Variants in GALNT17 observed in about 807,000 individuals in gnomAD.
The protein encoded by GALNT17 is polypeptide N-acetylgalactosaminyltransferase 17.
A neutral mutation model predicts 63.7 loss-of-function variants in GALNT17; 29 were observed. That is an observed-to-expected ratio of 0.46 (90% CI 0.34 to 0.62). The LOEUF is 0.62. GALNT17 is among the 20% of genes least tolerant of loss of function. The pLI, the probability that GALNT17 is intolerant of heterozygous loss-of-function variation, is 0.01. For missense variants in GALNT17, 603 were observed against 799.6 expected (o/e 0.75, Z 2.97); for synonymous variants, 305 against 318.3 (o/e 0.96, Z 0.45).
chr7:71,627,452 C>T (rs1790390492), intron 6 of GALNT17, among the ~76,000 whole-genome samples: 1 of 152,186 alleles, frequency 6.6e-6, no homozygotes, highest in African/African-American at 2.4e-5. Context: ...AAGAAACAGC[C>T]TTTCCAGATG....
intron 5 of GALNT17, among the ~76,000 whole-genome samples, chr7:71,521,443 T>C (rs1445775675): frequency 6.6e-6 from 1 of 152,218 alleles, no homozygotes; most frequent in African/African-American, 2.4e-5. Context: ...ACAAAAGATT[T>C]GCAGAACCTG....
rs546984327 is a variant in GALNT17, at chr7:71,225,132, C to T, written c.238+92092C>T. Among the ~76,000 whole-genome samples the T allele has an allele frequency of 2.0e-5, 3 of 152,170 alleles. No individual in the cohort carries two copies. In the East Asian group the frequency reaches 5.8e-4, roughly 29 times the overall value. On this transcript the variant is annotated intron_variant, in intron 1 of 10. Transcript: ENST00000333538. The stretch of plus-strand genomic sequence containing the variant: ...TACAGGTGCATGCCACCACACTCAG[C>T]TAATTTTTGTATTTTTAGTAGAGAT...
chr7:71,606,040 A>T (rs1412087836), intron 6 of GALNT17, among the ~76,000 whole-genome samples: 2 of 152,094 alleles, frequency 1.3e-5, no homozygotes, highest in African/African-American at 4.8e-5. Flanking sequence ...CCTTGGCTCA[A>T]GGGATCCTCC....
Position 71,347,663 on chromosome 7 carries a change from G to A in GALNT17, c.422+11930G>A, listed in dbSNP as rs568292225. 6.3e-4 allele frequency among the ~76,000 whole-genome samples: 96 copies of A among 152,224 alleles called. 1 individual carries two copies. In the South Asian group the frequency reaches 0.013, roughly 21 times the overall value. ...CAGAAATCCAGAGGGTCCAGCCTGA[G>A]ACAGATGCCAGGGTGATGGTGAGAG... On this transcript the variant is annotated intron_variant, in intron 2 of 10. Transcript: ENST00000333538.
rs569614526 is a variant in GALNT17 at position 71,332,235 on chromosome 7, C to A, written c.239-3315C>A. ...AAGTCCTGGATTGCAATTTTTGCCCCTAGTTCTGAGCATATCCATCTTCTT... is the reference window on the plus strand; with the variant it reads ...AAGTCCTGGATTGCAATTTTTGCCCATAGTTCTGAGCATATCCATCTTCTT... On this transcript the variant is annotated intron_variant, in intron 1 of 10. Transcript: ENST00000333538. Among the ~76,000 whole-genome samples, 94 of 152,046 alleles carry A rather than the reference C, an allele frequency of 6.2e-4. 1 individual carries two copies. Among genetic ancestry groups the A allele is most frequent in the African/African-American group, 2.1e-3 (88 of 41,484 alleles).
chr7:71,573,035 A>T (rs1052496588), intron 6 of GALNT17, among the ~76,000 whole-genome samples: 2 of 151,204 alleles, frequency 1.3e-5, no homozygotes, highest in Non-Finnish European at 3.0e-5. Flanking sequence ...TTTGAGATGA[A>T]GTCTTGCTTT....
intron 10 of GALNT17, among the ~76,000 whole-genome samples, chr7:71,711,528 CCT>C (rs1791791589): frequency 6.7e-6 from 1 of 149,440 alleles, no homozygotes; most frequent in Non-Finnish European, 1.5e-5. Flanking sequence ...CCTCTCTCTC[CCT>C]CTCTCCCTCT....
chr7:71,379,058 G>A (rs1396930967), intron 2 of GALNT17, among the ~76,000 whole-genome samples: 1 of 152,104 alleles, frequency 6.6e-6, no homozygotes, highest in Non-Finnish European at 1.5e-5. Context: ...CTTGGAGTGG[G>A]GATGACCAGA....
intron 1 of GALNT17, among the ~76,000 whole-genome samples, chr7:71,265,116 ATATTTTTTT>A (rs1227025212): frequency 1.7e-5 from 1 of 59,036 alleles, no homozygotes; most frequent in African/African-American, 6.8e-5. Flanking sequence ...ATATATATAT[ATATTTTTTT>A]TTTTTTTTTT....
chr7:71,308,775 G>T (rs999300954), intron 1 of GALNT17, among the ~76,000 whole-genome samples: 2 of 146,080 alleles, frequency 1.4e-5, no homozygotes, highest in Non-Finnish European at 3.0e-5. Flanking sequence ...ACAGAGTCAA[G>T]CTCTGTTGCC....
chr7:71,155,713 G>A lies in GALNT17; in HGVS notation c.238+22673G>A, dbSNP rs924354046. ...CTTTTTGTAGAACCTGGAGAATTTG[G>A]TGTTTCTATAAATAACACATCCTGG... On this transcript the variant is annotated intron_variant, in intron 1 of 10. Transcript: ENST00000333538. Among the ~76,000 whole-genome samples, 5 of 151,618 alleles carry A rather than the reference G, an allele frequency of 3.3e-5. 1 individual carries two copies. Among genetic ancestry groups the A allele is most frequent in the African/African-American group, 1.2e-4 (5 of 41,022 alleles).
At chr7:71,367,363 G>A (rs1046408033) in intron 2 of GALNT17, among the ~76,000 whole-genome samples, 3 of 152,104 alleles carry the variant, frequency 2.0e-5, no homozygotes, top group Non-Finnish European at 4.4e-5. Context: ...GCTGGCCATG[G>A]GTTTACCTTG....
At chr7:71,549,600 A>G (rs1053198260) in intron 5 of GALNT17, among the ~76,000 whole-genome samples, 1 of 152,192 alleles carries the variant, frequency 6.6e-6, no homozygotes, top group Non-Finnish European at 1.5e-5. Context: ...AGGTAGATGA[A>G]TAAATATATT....
At position 71,132,179 on chromosome 7, in the gene GALNT17, G is replaced by A. The variant is rs77484035; in HGVS notation, c.-624G>A. 8,021 of 152,694 alleles carry A rather than the reference G, an allele frequency of 0.053. 794 individuals are homozygous for A. The highest frequency in any genetic ancestry group is 0.43 in the East Asian group (2,198 of 5,092). 9.5% of individuals were successfully genotyped at this position (152,694 alleles called of 1,614,324 possible). On this transcript the variant is annotated 5_prime_UTR_variant, in exon 1 of 11. Transcript: ENST00000333538. ...CGTGACTGCGGAGCCTGGAGGATGC[G>A]GGCTCCCCGAGCGGGCTTCCCCTCT...
At chr7:71,299,511 C>T (rs1328287001) in intron 1 of GALNT17, among the ~76,000 whole-genome samples, 1 of 152,140 alleles carries the variant, frequency 6.6e-6, no homozygotes, top group Non-Finnish European at 1.5e-5. Context: ...TCCACGCATT[C>T]CACAGATTTA....
chr7:71,193,454 CTTTTTTTTTT>C (rs1159902249), intron 1 of GALNT17, among the ~76,000 whole-genome samples: 47 of 107,324 alleles, frequency 4.4e-4, no homozygotes, highest in African/African-American at 1.6e-3. Flanking sequence ...ACGCTTTTGT[CTTTTTTTTTT>C]TTTTTTTTTT....
At chr7:71,416,164 G>A (rs1793522744) in intron 4 of GALNT17, 101 bp downstream of exon 4, 2 of 1,341,514 alleles carry the variant, frequency 1.5e-6, no homozygotes, top group Middle Eastern at 2.7e-4. Flanking sequence ...ACCTGTAGTG[G>A]CACTGGGAGA....
intron 5 of GALNT17, among the ~76,000 whole-genome samples, chr7:71,471,489 C>G (rs943977291): frequency 6.6e-6 from 1 of 151,530 alleles, no homozygotes; most frequent in African/African-American, 2.4e-5. Context: ...GCAATTAATG[C>G]AAGAGATCCT....
chr7:71,352,161 G>A (rs192384120), intron 2 of GALNT17, among the ~76,000 whole-genome samples: 43 of 152,206 alleles, frequency 2.8e-4, no homozygotes, highest in East Asian at 2.3e-3. Context: ...ATAAAGTGTC[G>A]TAAGATCTGA....
Sources: allele counts gnomAD v4.1 joint callset (sites outside exome capture counted in the v4.1 genomes callset), GRCh38; gene constraint gnomAD v4.1.1; transcripts MANE v1.5; gene names NCBI Gene and HGNC (gene_info 2026-07-23, HGNC 2026-07-21).